The following ITGA9 variants were observed in gnomAD, a reference collection of about 807,000 sequenced individuals.
ITGA9 encodes integrin alpha-9.
A neutral mutation model predicts 127.8 loss-of-function variants in ITGA9; 56 were observed. That is an observed-to-expected ratio of 0.44 (90% CI 0.35 to 0.55). ITGA9 has a LOEUF of 0.55. Among genes scored for constraint, ITGA9 ranks in the 20% least tolerant of loss-of-function variants. The pLI, the probability that ITGA9 is intolerant of heterozygous loss-of-function variation, is 0.00. For synonymous variants in ITGA9, 508 were observed against 514.5 expected (o/e 0.99, Z 0.17); for missense variants, 1,196 against 1,347.1 (o/e 0.89, Z 1.76).
intron 1 of ITGA9, among the ~76,000 whole-genome samples, chr3:37,459,030 T>A (rs538488040): frequency 6.6e-6 from 1 of 152,330 alleles, no homozygotes; most frequent in Admixed American, 6.5e-5. Flanking sequence ...CCGATGTAAG[T>A]CCAAGATTGG....
intron 4 of ITGA9, among the ~76,000 whole-genome samples, chr3:37,484,501 G>C (rs1381024614): frequency 6.6e-6 from 1 of 152,186 alleles, no homozygotes; most frequent in Admixed American, 6.5e-5. Context: ...AGTAATGCAA[G>C]TTCTCTGTTC....
chr3:37,640,688 A>G (rs1397181069), intron 16 of ITGA9, among the ~76,000 whole-genome samples: 3 of 152,304 alleles, frequency 2.0e-5, no homozygotes, highest in Admixed American at 6.5e-5. Context: ...ATAGACACAC[A>G]ATACAGCCCA....
intron 15 of ITGA9, among the ~76,000 whole-genome samples, chr3:37,545,236 T>C (rs1017594353): frequency 2.0e-5 from 3 of 152,174 alleles, no homozygotes; most frequent in Non-Finnish European, 2.9e-5. Flanking sequence ...TCAAAGAAGA[T>C]AAATAAAAGC....
At position 37,629,001 on chromosome 3, in the gene ITGA9, G is replaced by C. The variant is rs1700203041; in HGVS notation, c.1690-186G>C. Reference sequence around the variant, plus strand: ...CCATCAACAGAATGACCTTGGACAAGACACTAGCTGCCCTAGGCCTCAATT... The same window carrying C: ...CCATCAACAGAATGACCTTGGACAACACACTAGCTGCCCTAGGCCTCAATT... On this transcript the variant is annotated intron_variant, in intron 15 of 27. Coordinates refer to ENST00000264741, the MANE Select transcript of ITGA9 (RefSeq NM_002207.3). The surrounding 1 kb of genome is among the most constrained non-coding windows in gnomAD (Gnocchi z 4.5). Among the ~76,000 whole-genome samples, 2 of 152,162 alleles carry C rather than the reference G, an allele frequency of 1.3e-5. No homozygotes were observed. Among genetic ancestry groups the C allele is most frequent in the Admixed American group, 6.5e-5 (1 of 15,284 alleles).
intron 26 of ITGA9, among the ~76,000 whole-genome samples, chr3:37,796,196 TA>T (rs1697171525): frequency 6.6e-6 from 1 of 152,110 alleles, no homozygotes; most frequent in African/African-American, 2.4e-5. Flanking sequence ...GTTTAGCTGG[TA>T]AACTTCTGCT....
intron 18 of ITGA9, among the ~76,000 whole-genome samples, chr3:37,727,946 A>G (rs2125526214): frequency 6.6e-6 from 1 of 152,266 alleles, no homozygotes; most frequent in East Asian, 1.9e-4. Flanking sequence ...ACTTTCATTG[A>G]TTTCATGAAA....
At chr3:37,626,562 T>G (rs983728719) in intron 15 of ITGA9, among the ~76,000 whole-genome samples, 15 of 152,200 alleles carry the variant, frequency 9.9e-5, no homozygotes, top group African/African-American at 3.4e-4. Context: ...TATCCAACTG[T>G]AGTCCCAGCT....
chr3:37,752,472 C>G (rs1249113897), intron 23 of ITGA9, among the ~76,000 whole-genome samples: 1 of 152,188 alleles, frequency 6.6e-6, no homozygotes, highest in Non-Finnish European at 1.5e-5. Flanking sequence ...GTTAAGCCAA[C>G]TGAAGCAGAA....
intron 15 of ITGA9, among the ~76,000 whole-genome samples, chr3:37,601,470 G>T (rs1179528645): frequency 3.9e-5 from 6 of 152,186 alleles, no homozygotes; most frequent in Non-Finnish European, 8.8e-5. Flanking sequence ...TGGAGATGGG[G>T]TATAAACATC....
intron 26 of ITGA9, among the ~76,000 whole-genome samples, chr3:37,793,805 G>C (rs1697141813): frequency 6.6e-6 from 1 of 152,170 alleles, no homozygotes; most frequent in Admixed American, 6.5e-5. Context: ...CTGGAAGCAG[G>C]GGAGCTGGGG....
At chr3:37,728,550 G>A (rs1226870497) in intron 18 of ITGA9, among the ~76,000 whole-genome samples, 1 of 152,238 alleles carries the variant, frequency 6.6e-6, no homozygotes, top group Non-Finnish European at 1.5e-5. Context: ...GGAGAACAAA[G>A]TGGGTACTGG....
chr3:37,719,118 G>T lies in ITGA9; in HGVS notation c.2068-13594G>T, dbSNP rs542387663. ...AGTTTGCAGAACATATCAGGGGAGA[G>T]AGGTGTGTGCAAGGCATCCACCAGG... On this transcript the variant is annotated intron_variant, in intron 18 of 27. Transcript: ENST00000264741. 4.6e-5 allele frequency among the ~76,000 whole-genome samples: 7 copies of T among 152,340 alleles called. No individual in the cohort carries two copies. The South Asian group carries it at 1.2e-3, about 27-fold the overall frequency.
chr3:37,663,139 A>G (rs542493485), intron 17 of ITGA9, among the ~76,000 whole-genome samples: 1 of 152,346 alleles, frequency 6.6e-6, no homozygotes, highest in African/African-American at 2.4e-5. Flanking sequence ...AGGAACAGGG[A>G]TGAAACTTGT....
chr3:37,585,084 G>A (rs530575681), intron 15 of ITGA9, among the ~76,000 whole-genome samples: 9 of 152,218 alleles, frequency 5.9e-5, no homozygotes, highest in African/African-American at 2.2e-4. Flanking sequence ...TAATAACTTA[G>A]GGGTTCCAGT....
At chr3:37,705,216 C>G (rs1240706444) in intron 18 of ITGA9, among the ~76,000 whole-genome samples, 4 of 152,052 alleles carry the variant, frequency 2.6e-5, no homozygotes, top group African/African-American at 7.2e-5. Context: ...AGAAGATAAG[C>G]CAAAAAATTT....
At chr3:37,706,861 A>G (rs1239046658) in intron 18 of ITGA9, among the ~76,000 whole-genome samples, 2 of 152,182 alleles carry the variant, frequency 1.3e-5, no homozygotes, top group Non-Finnish European at 2.9e-5. Flanking sequence ...AGCTCTTCTC[A>G]TGACCACAAT....
intron 18 of ITGA9, among the ~76,000 whole-genome samples, chr3:37,729,878 ATTTGTAGTAGAAACAGGG>A: frequency 6.6e-6 from 1 of 151,658 alleles, no homozygotes; most frequent in Non-Finnish European, 1.5e-5. Context: ...TAATTTTTAT[ATTTGTAGTAGAAACAGGG>A]TTTCACCATG....
intron 18 of ITGA9, among the ~76,000 whole-genome samples, chr3:37,705,458 G>A (rs1375450219): frequency 1.3e-5 from 2 of 152,172 alleles, no homozygotes; most frequent in African/African-American, 2.4e-5. Flanking sequence ...AAAGTCACAA[G>A]GCCAAATGGC....
At chr3:37,733,145 A>G (rs1696317505) in intron 19 of ITGA9, 1 of 353,484 alleles carries the variant, frequency 2.8e-6, no homozygotes, top group Non-Finnish European at 5.5e-6. Context: ...AGTCCCCTAG[A>G]CAACACAGAA....
Sources: allele counts gnomAD v4.1 joint callset (sites outside exome capture counted in the v4.1 genomes callset), GRCh38; gene constraint gnomAD v4.1.1; non-coding constraint Gnocchi (gnomAD v3.1); transcripts MANE v1.5; gene names NCBI Gene and HGNC (gene_info 2026-07-23, HGNC 2026-07-21).